The following GRIK2 variants were observed in gnomAD, a reference collection of about 807,000 sequenced individuals.
GRIK2 encodes glutamate ionotropic receptor kainate type subunit 2.
A neutral mutation model predicts 100.3 loss-of-function variants in GRIK2; 32 were observed. The ratio of observed to expected loss-of-function variants is 0.32; its 90% CI spans 0.24 to 0.43. The LOEUF (loss-of-function observed/expected upper bound fraction) is 0.43, where lower values mean the gene tolerates loss of function less well. Among genes scored for constraint, GRIK2 ranks in the 20% least tolerant of loss-of-function variants. GRIK2 has a pLI of 1.00. For synonymous variants in GRIK2, 417 were observed against 389.4 expected (o/e 1.07, Z -0.83); for missense variants, 843 against 1,114.9 (o/e 0.76, Z 3.47).
At chr6:101,961,812 T>C (rs529160564) in intron 14 of GRIK2, among the ~76,000 whole-genome samples, 49 of 152,242 alleles carry the variant, frequency 3.2e-4, no homozygotes, top group Non-Finnish European at 6.0e-4. Context: ...TTCTGGTTGC[T>C]GCTGTCCAAG....
At chr6:101,764,902 A>G (rs1777948422) in intron 7 of GRIK2, among the ~76,000 whole-genome samples, 1 of 151,640 alleles carries the variant, frequency 6.6e-6, no homozygotes, top group Admixed American at 6.6e-5. Context: ...CGAAATCTTC[A>G]TTTTTCTGTG....
chr6:101,735,879 G>A (rs1352897766), intron 7 of GRIK2, among the ~76,000 whole-genome samples: 6 of 152,172 alleles, frequency 3.9e-5, no homozygotes, highest in Non-Finnish European at 8.8e-5. Flanking sequence ...TCTCATCTGA[G>A]ATAAGGCAAG....
At position 101,501,123 on chromosome 6, in the gene GRIK2, A is replaced by G. The variant is rs561205770; in HGVS notation, c.115+101731A>G. ...CCAAATCCCTTGACAAGCATATAAG[A>G]ACCATCTACAACAAAATAAGTATCT... On this transcript the variant is annotated intron_variant, in intron 2 of 16. Coordinates refer to ENST00000369134, the MANE Select transcript of GRIK2 (RefSeq NM_021956.5). Among the ~76,000 whole-genome samples, 4 of 152,222 alleles carry G rather than the reference A, an allele frequency of 2.6e-5. No homozygotes were observed. In the East Asian group the frequency reaches 7.7e-4, roughly 29 times the overall value.
chr6:101,409,480 T>C (rs978403661), intron 2 of GRIK2, among the ~76,000 whole-genome samples: 1 of 152,118 alleles, frequency 6.6e-6, no homozygotes, highest in Non-Finnish European at 1.5e-5. Flanking sequence ...AAAATCAGAA[T>C]TTAAAATAAA....
intron 14 of GRIK2, among the ~76,000 whole-genome samples, chr6:102,013,211 G>A (rs373595253): frequency 8.5e-5 from 13 of 152,184 alleles, no homozygotes; most frequent in Admixed American, 7.2e-4. Context: ...GAATGGGATT[G>A]CATTCCTAAT....
intron 14 of GRIK2, among the ~76,000 whole-genome samples, chr6:101,998,917 G>A (rs1328332493): frequency 1.4e-5 from 2 of 147,908 alleles, no homozygotes; most frequent in Admixed American, 6.9e-5. Context: ...TGGTTGAAGC[G>A]ATTCTCCTGC....
chr6:101,524,346 C>A (rs1035348845), intron 2 of GRIK2, among the ~76,000 whole-genome samples: 1 of 151,818 alleles, frequency 6.6e-6, no homozygotes, highest in Non-Finnish European at 1.5e-5. Flanking sequence ...ATATTCGAGT[C>A]TATCCTGACC....
chr6:101,575,171 C>T (rs943510734), intron 2 of GRIK2, among the ~76,000 whole-genome samples: 1 of 151,632 alleles, frequency 6.6e-6, no homozygotes, highest in Non-Finnish European at 1.5e-5. Context: ...ACGAAATTCT[C>T]CCCAACTCTC....
intron 7 of GRIK2, among the ~76,000 whole-genome samples, chr6:101,758,804 CTTAA>C (rs1777300906): frequency 6.6e-6 from 1 of 152,082 alleles, no homozygotes; most frequent in African/African-American, 2.4e-5. Flanking sequence ...GCTATTTATT[CTTAA>C]TTCATTCTTT....
chr6:101,832,610 T>C (rs1782775765), intron 10 of GRIK2, among the ~76,000 whole-genome samples: 1 of 152,194 alleles, frequency 6.6e-6, no homozygotes, highest in African/African-American at 2.4e-5. Context: ...ACAGATACTT[T>C]AGAAGAGCTA....
intron 14 of GRIK2, among the ~76,000 whole-genome samples, chr6:101,945,552 C>T (rs1031843464): frequency 7.9e-5 from 12 of 152,064 alleles, no homozygotes; most frequent in African/African-American, 2.9e-4. Context: ...TCGCCAACAC[C>T]TTAATCTAAG....
intron 1 of GRIK2, among the ~76,000 whole-genome samples, chr6:101,396,797 G>C (rs959770465): frequency 2.4e-4 from 36 of 152,306 alleles, no homozygotes; most frequent in African/African-American, 7.9e-4. Context: ...AGTTCAACTG[G>C]ACAGGTGGAA....
chr6:101,752,821 T>C (rs1384091310), intron 7 of GRIK2, among the ~76,000 whole-genome samples: 1 of 152,184 alleles, frequency 6.6e-6, no homozygotes, highest in Admixed American at 6.5e-5. Context: ...CAAAGCTTTG[T>C]ACAAAGTTAA....
At chr6:101,998,049 A>G (rs879509071) in intron 14 of GRIK2, among the ~76,000 whole-genome samples, 7 of 152,136 alleles carry the variant, frequency 4.6e-5, no homozygotes, top group Non-Finnish European at 7.4e-5. Context: ...GATAGTGAGC[A>G]TATCTATCCA....
At chr6:101,585,246 A>C (rs1334566655) in intron 2 of GRIK2, among the ~76,000 whole-genome samples, 1 of 152,104 alleles carries the variant, frequency 6.6e-6, no homozygotes, top group African/African-American at 2.4e-5. Flanking sequence ...TGTTTTTGGT[A>C]AACTTTAGAA....
intron 7 of GRIK2, among the ~76,000 whole-genome samples, chr6:101,718,178 G>T (rs10485275): frequency 3.3e-5 from 5 of 151,632 alleles, no homozygotes; most frequent in Admixed American, 6.6e-5. Context: ...CAACTCTGCT[G>T]TTGGCAATTT....
chr6:101,632,142 G>C (rs1489043515), intron 4 of GRIK2, among the ~76,000 whole-genome samples: 4 of 152,042 alleles, frequency 2.6e-5, no homozygotes, highest in Non-Finnish European at 5.9e-5. Flanking sequence ...ATACCATCCG[G>C]CTTGGGTGTC....
intron 2 of GRIK2, among the ~76,000 whole-genome samples, chr6:101,568,292 C>T (rs1777377202): frequency 6.6e-6 from 1 of 151,972 alleles, no homozygotes; most frequent in Admixed American, 6.6e-5. Flanking sequence ...CCAAGGTAAC[C>T]TAAATCCTTT....
intron 6 of GRIK2, among the ~76,000 whole-genome samples, chr6:101,685,614 A>C (rs1312574877): frequency 6.6e-6 from 1 of 152,162 alleles, no homozygotes; most frequent in Non-Finnish European, 1.5e-5. Context: ...CTTATAGTGA[A>C]GTTCCTAGGT....
Sources: allele counts gnomAD v4.1 joint callset (sites outside exome capture counted in the v4.1 genomes callset), GRCh38; gene constraint gnomAD v4.1.1; transcripts MANE v1.5; gene names NCBI Gene and HGNC (gene_info 2026-07-23, HGNC 2026-07-21).